Variants in DIAPH1 observed in about 807,000 individuals in gnomAD.
DIAPH1 encodes the protein protein diaphanous homolog 1.
DIAPH1 carries 46 observed loss-of-function variants against 140.7 expected under a neutral mutation model. The ratio of observed to expected loss-of-function variants is 0.33; its 90% confidence interval spans 0.26 to 0.42. DIAPH1 has a LOEUF of 0.42. Among genes scored for constraint, DIAPH1 ranks in the 10% least tolerant of loss-of-function variants. DIAPH1 has a pLI of 1.00. For synonymous variants in DIAPH1, 565 were observed against 551.6 expected (o/e 1.02, Z -0.34); for missense variants, 1,310 against 1,558.7 (o/e 0.84, Z 2.69).
chr5:141,573,308 G>A lies in DIAPH1; in HGVS notation c.2358+184C>T, dbSNP rs186740314. ...AAATTAGCCGGGCGTGGTGGCGCGCGCCTATAGTCCCAGCTACACGGGAGG... is the reference window on the plus strand; with the variant it reads ...AAATTAGCCGGGCGTGGTGGCGCGCACCTATAGTCCCAGCTACACGGGAGG... On this transcript the variant is annotated intron_variant, in intron 16 of 27. Coordinates refer to ENST00000389054, the MANE Select transcript of DIAPH1 (RefSeq NM_005219.5). Among the ~76,000 whole-genome samples, 27 of 151,970 alleles carry A rather than the reference G, an allele frequency of 1.8e-4. No homozygotes were observed. The East Asian group carries it at 4.9e-3, about 27-fold the overall frequency.
chr5:141,591,368 TACTTGATGGCAGA>T (rs1396695911), intron 1 of DIAPH1, among the ~76,000 whole-genome samples: 4 of 151,986 alleles, frequency 2.6e-5, no homozygotes, highest in Admixed American at 6.6e-5. Flanking sequence ...CAGACTAAGT[TACTTGATGGCAGA>T]GCCTGTAACT....
chr5:141,604,383 CCCTCTGCTG>C (rs1200173272), intron 1 of DIAPH1, among the ~76,000 whole-genome samples: 3 of 152,212 alleles, frequency 2.0e-5, no homozygotes, highest in Admixed American at 6.5e-5. Context: ...CTAGGCCTCT[CCCTCTGCTG>C]CCTAAGCTTA....
rs544329254 is a variant in DIAPH1 at position 141,600,167 on chromosome 5, A to AAG, written c.118-11918_118-11917insCT. On this transcript the variant is annotated intron_variant, in intron 1 of 27. Coordinates refer to ENST00000389054, the MANE Select transcript of DIAPH1 (RefSeq NM_005219.5). ...ATGAAGGTGGAGGGGGCCAAAAGGC[A>AAG]GATTATAGGCAGCCTCTGGGTACTG... 3.8e-3 allele frequency among the ~76,000 whole-genome samples: 581 copies of AAG among 152,358 alleles called. 5 individuals are homozygous for AAG. The highest frequency in any genetic ancestry group is 0.011 in the Admixed American group (166 of 15,298).
intron 18 of DIAPH1, among the ~76,000 whole-genome samples, chr5:141,553,643 C>CA (rs1236003491): frequency 1.3e-5 from 2 of 151,388 alleles, no homozygotes; most frequent in Non-Finnish European, 2.9e-5. Flanking sequence ...AACTCTATCT[C>CA]AAAAAAACCC....
chr5:141,566,703 T>A (rs1311992199), intron 18 of DIAPH1, among the ~76,000 whole-genome samples: 1 of 152,074 alleles, frequency 6.6e-6, no homozygotes, highest in Non-Finnish European at 1.5e-5. Context: ...GAGAGCAGCC[T>A]GGCCAACATG....
At chr5:141,567,386 T>C (rs188975280) in intron 18 of DIAPH1, among the ~76,000 whole-genome samples, 23 of 152,316 alleles carry the variant, frequency 1.5e-4, no homozygotes, top group Non-Finnish European at 2.4e-4. Flanking sequence ...TATTTTTAAA[T>C]CACAAGGGAC....
chr5:141,554,235 C>T (rs1477093218), intron 18 of DIAPH1, among the ~76,000 whole-genome samples: 1 of 152,142 alleles, frequency 6.6e-6, no homozygotes, highest in African/African-American at 2.4e-5. Flanking sequence ...CGAGATTGTG[C>T]CACCGCACTC....
intron 13 of DIAPH1, 120 bp from the exon 14 acceptor site, chr5:141,576,414 C>T (rs1196307863): frequency 6.8e-6 from 6 of 876,644 alleles, no homozygotes; most frequent in South Asian, 5.7e-5. Context: ...TAATGTTCTG[C>T]ACTAGACAAA....
chr5:141,612,041 T>A (rs1272975219), intron 1 of DIAPH1, among the ~76,000 whole-genome samples: 4 of 152,140 alleles, frequency 2.6e-5, no homozygotes, highest in Non-Finnish European at 5.9e-5. Context: ...TACTCCAGCC[T>A]GAGCGACGAG....
At chr5:141,563,394 C>G (rs1203627795) in intron 18 of DIAPH1, 3 of 151,970 alleles carry the variant, frequency 2.0e-5, no homozygotes, top group Admixed American at 6.6e-5. Context: ...ATACAGATAC[C>G]AAAATATTAT....
intron 18 of DIAPH1, among the ~76,000 whole-genome samples, chr5:141,566,819 C>T (rs575710990): frequency 2.0e-5 from 3 of 152,210 alleles, no homozygotes; most frequent in East Asian, 1.9e-4. Context: ...TGCTTGTGAC[C>T]AGGAGGCAGA....
intron 27 of DIAPH1, among the ~76,000 whole-genome samples, chr5:141,519,384 G>A (rs573019520): frequency 2.0e-5 from 3 of 152,158 alleles, no homozygotes; most frequent in Non-Finnish European, 4.4e-5. Context: ...CTGTGCATGT[G>A]TGTGTGTGTG....
At chr5:141,605,906 A>G (rs1041543907) in intron 1 of DIAPH1, among the ~76,000 whole-genome samples, 10 of 152,202 alleles carry the variant, frequency 6.6e-5, no homozygotes, top group African/African-American at 1.9e-4. Flanking sequence ...AGTAACGAAC[A>G]GCCCTGGCGG....
chr5:141,535,145 T>TC (rs2099888822), intron 18 of DIAPH1, among the ~76,000 whole-genome samples: 1 of 152,250 alleles, frequency 6.6e-6, no homozygotes, highest in South Asian at 2.1e-4. Context: ...AGATGAGGTT[T>TC]CACCATATTG....
intron 27 of DIAPH1, among the ~76,000 whole-genome samples, chr5:141,517,620 C>T (rs1419151440): frequency 5.3e-5 from 8 of 151,430 alleles, no homozygotes; most frequent in South Asian, 2.1e-4. Context: ...AGGTAGCAGC[C>T]GTAATACAAA....
rs141566025 is a variant in DIAPH1 at position 141,582,385 on chromosome 5, G to C, written c.621-10C>G. 6.2e-7 allele frequency: 1 copy of C among 1,605,140 alleles called. No homozygotes were observed. The highest frequency in any genetic ancestry group is 8.5e-7 in the Non-Finnish European group (1 of 1,171,888). ...CCGGCTATCGTAACTCCTGTATATA[G>C]AAGACATAATCAGTGAGGTCCCTTT... On this transcript the variant is annotated splice_polypyrimidine_tract_variant and intron_variant, in intron 6 of 27. Transcript: ENST00000389054.
At position 141,539,914 on chromosome 5, in the gene DIAPH1, T is replaced by C. The variant is rs543346503; in HGVS notation, c.2483-5481A>G. On this transcript the variant is annotated intron_variant, in intron 18 of 27. Transcript: ENST00000389054. Reference sequence around the variant, plus strand: ...GTCTCTATTTTTTTTTTCTATTCTCTATTTTGTTAATTTCCTCCCTAATTT... The same window carrying C: ...GTCTCTATTTTTTTTTTCTATTCTCCATTTTGTTAATTTCCTCCCTAATTT... 2.0e-5 allele frequency among the ~76,000 whole-genome samples: 3 copies of C among 152,026 alleles called. No homozygotes were observed. In the South Asian group the frequency reaches 6.2e-4, roughly 32 times the overall value.
intron 14 of DIAPH1, among the ~76,000 whole-genome samples, chr5:141,576,002 C>G (rs2099895918): frequency 6.6e-6 from 1 of 152,096 alleles, no homozygotes; most frequent in Non-Finnish European, 1.5e-5. Context: ...CTTTTCCTGC[C>G]CAGTAGCCCA....
chr5:141,606,575 AG>A (rs1440332491), intron 1 of DIAPH1, among the ~76,000 whole-genome samples: 2 of 152,056 alleles, frequency 1.3e-5, no homozygotes, highest in Non-Finnish European at 2.9e-5. Context: ...TTGTATTTTT[AG>A]TAGAGACGGG....
Sources: allele counts gnomAD v4.1 joint callset (sites outside exome capture counted in the v4.1 genomes callset), GRCh38; gene constraint gnomAD v4.1.1; transcripts MANE v1.5; gene names NCBI Gene and HGNC (gene_info 2026-07-23, HGNC 2026-07-21).